Variants in QRICH1 observed in about 807,000 individuals in gnomAD.
QRICH1 encodes transcriptional regulator QRICH1.
QRICH1 carries 16 observed loss-of-function variants against 87.1 expected under a neutral mutation model. That is an observed-to-expected ratio of 0.18 (90% confidence interval 0.12 to 0.28). The LOEUF is 0.28. Among genes scored for constraint, QRICH1 ranks in the 10% least tolerant of loss-of-function variants. The pLI is 1.00. For missense variants in QRICH1, 647 were observed against 951.7 expected, an observed-to-expected ratio of 0.68 and a Z score of 4.21; for synonymous variants, 367 against 368.4, an observed-to-expected ratio of 1.00 and a Z score of 0.05.
chr3:49,039,618 C>CAAAAAAAA, intron 6 of QRICH1, among the ~76,000 whole-genome samples: 1 of 16,366 alleles, frequency 6.1e-5, no homozygotes, highest in Non-Finnish European at 1.3e-4. Context: ...GACTCCATCT[C>CAAAAAAAA]AAAAAAAAAA....
chr3:49,042,904 T>A (rs1034682589), intron 6 of QRICH1, among the ~76,000 whole-genome samples: 8 of 152,052 alleles, frequency 5.3e-5, no homozygotes, highest in South Asian at 2.1e-4. Flanking sequence ...CAGTAAACAT[T>A]CTATATGACA....
intron 3 of QRICH1, among the ~76,000 whole-genome samples, chr3:49,050,736 C>T (rs1286311247): frequency 1.3e-5 from 2 of 151,894 alleles, no homozygotes; most frequent in Admixed American, 6.6e-5. Context: ...ACCTATTACT[C>T]AAACAATTTC....
At chr3:49,070,448 GT>G (rs745436668) in intron 2 of QRICH1, among the ~76,000 whole-genome samples, 32 of 152,178 alleles carry the variant, frequency 2.1e-4, no homozygotes, top group Admixed American at 3.3e-4. Context: ...TTGTTGTTCT[GT>G]TTTTTATAGA....
At position 49,090,699 on chromosome 3, in the gene QRICH1, C is replaced by T. The variant is rs560631253; in HGVS notation, c.-22+3213G>A. Among the ~76,000 whole-genome samples the T allele has an allele frequency of 4.0e-5, 6 of 151,812 alleles. No individual in the cohort carries two copies. In the South Asian group the frequency reaches 1.0e-3, roughly 26 times the overall value. On this transcript the variant is annotated intron_variant, in intron 1 of 9. Coordinates refer to ENST00000395443, the MANE Select transcript of QRICH1 (RefSeq NM_198880.3). ...CCTTCTGACACAGCCACCATTTCTA[C>T]CTACAGTTTTGCCCTGGCCTGAAGA... is the stretch of plus-strand genomic sequence containing the variant.
chr3:49,032,556 G>T, intron 8 of QRICH1, 66 bp downstream of exon 8: 2 of 1,470,140 alleles, frequency 1.4e-6, no homozygotes, highest in South Asian at 1.4e-5. Context: ...AGCCTCACAG[G>T]CACAAGGGCA....
intron 2 of QRICH1, among the ~76,000 whole-genome samples, chr3:49,069,991 T>C (rs1244654259): frequency 6.6e-6 from 1 of 152,052 alleles, no homozygotes; most frequent in African/African-American, 2.4e-5. Context: ...CTCTAAGAAC[T>C]GCCCCACTTT....
At chr3:49,067,500 G>A (rs1320339368) in intron 2 of QRICH1, among the ~76,000 whole-genome samples, 5 of 151,834 alleles carry the variant, frequency 3.3e-5, no homozygotes, top group East Asian at 1.9e-4. Context: ...TCCAGGAGGC[G>A]GAGCTTGCAG....
chr3:49,035,911 C>CAA (rs761180733), intron 6 of QRICH1, among the ~76,000 whole-genome samples: 8,537 of 59,560 alleles, frequency 0.14, 337 homozygotes, highest in Non-Finnish European at 0.18. Context: ...CCCATTTCTA[C>CAA]AAAAAAAAAA....
At chr3:49,044,098 CTTAA>C (rs1424129930) in intron 6 of QRICH1, among the ~76,000 whole-genome samples, 3 of 152,132 alleles carry the variant, frequency 2.0e-5, no homozygotes, top group African/African-American at 4.8e-5. Flanking sequence ...GTCCATAATC[CTTAA>C]TTGTTATGAT....
intron 9 of QRICH1, among the ~76,000 whole-genome samples, chr3:49,031,083 T>C (rs1490957583): frequency 6.6e-6 from 1 of 151,038 alleles, no homozygotes; most frequent in African/African-American, 2.4e-5. Context: ...GCCCCCTTGG[T>C]TGAAGCGATT....
intron 2 of QRICH1, among the ~76,000 whole-genome samples, chr3:49,059,167 A>G (rs1308749952): frequency 6.7e-6 from 1 of 149,338 alleles, no homozygotes; most frequent in Non-Finnish European, 1.5e-5. Flanking sequence ...GAATTTCACC[A>G]TGTTAGCCAG....
At chr3:49,038,363 A>T (rs1330093172) in intron 6 of QRICH1, among the ~76,000 whole-genome samples, 2 of 151,506 alleles carry the variant, frequency 1.3e-5, no homozygotes, top group Non-Finnish European at 2.9e-5. Flanking sequence ...GCCCAGCCTA[A>T]TAAAGGGTAG....
chr3:49,089,303 G>A (rs1011463470), intron 1 of QRICH1, among the ~76,000 whole-genome samples: 4 of 151,808 alleles, frequency 2.6e-5, no homozygotes, highest in African/African-American at 7.3e-5. Flanking sequence ...TAGGTGATCC[G>A]CCCGCATTGG....
At chr3:49,053,478 C>A (rs1364657302) in intron 3 of QRICH1, among the ~76,000 whole-genome samples, 8 of 122,124 alleles carry the variant, frequency 6.6e-5, no homozygotes, top group Non-Finnish European at 1.0e-4. Flanking sequence ...GAATGAGACC[C>A]CCTGTCTCAA....
At chr3:49,033,099 T>C in intron 7 of QRICH1, 21 bp downstream of exon 7, 2 of 1,457,538 alleles carry the variant, frequency 1.4e-6, no homozygotes, top group Admixed American at 2.3e-5. Flanking sequence ...ATGCCAGCAG[T>C]GGAGCCTCTA....
rs535614353 is a variant in QRICH1 at position 49,057,834 on chromosome 3, T to C, written c.366A>G (p.Gln122=). The C allele has an allele frequency of 1.5e-5, 25 of 1,613,604 alleles. No individual in the cohort carries two copies. In the South Asian group the frequency reaches 2.3e-4, roughly 15 times the overall value. Residue 122 remains glutamine, a synonymous_variant, in exon 3 of 10, where the codon CAA becomes CAG. Coordinates refer to ENST00000395443, the MANE Select transcript of QRICH1 (RefSeq NM_198880.3). The surrounding 1 kb of genome is among the most constrained non-coding windows in gnomAD (Gnocchi z 5.4). Reference sequence around the variant, plus strand: ...GCTCAGTAGGCTGGTGAACGGTGAGTTGTGGGGAGAGCTGAGCCGAGACCT... The same window carrying C: ...GCTCAGTAGGCTGGTGAACGGTGAGCTGTGGGGAGAGCTGAGCCGAGACCT... ...PQQVSAQLSP[Q]LTVHQPTEQP...
intron 9 of QRICH1, among the ~76,000 whole-genome samples, chr3:49,031,174 G>C (rs1175447472): frequency 6.6e-6 from 1 of 151,982 alleles, no homozygotes; most frequent in Non-Finnish European, 1.5e-5. Context: ...TTTTAGTAGA[G>C]ATGGGGTTTT....
intron 6 of QRICH1, among the ~76,000 whole-genome samples, chr3:49,041,981 C>G (rs2093312958): frequency 6.6e-6 from 1 of 151,648 alleles, no homozygotes. Context: ...ATGTGTTGGC[C>G]AGGCTGGTGT....
intron 1 of QRICH1, among the ~76,000 whole-genome samples, chr3:49,089,547 G>A (rs2042233277): frequency 6.6e-6 from 1 of 152,064 alleles, no homozygotes; most frequent in South Asian, 2.1e-4. Context: ...ATACAAGAAT[G>A]TTCACAGCAG....
Sources: allele counts gnomAD v4.1 joint callset (sites outside exome capture counted in the v4.1 genomes callset), GRCh38; gene constraint gnomAD v4.1.1; non-coding constraint Gnocchi (gnomAD v3.1); transcripts MANE v1.5; gene names NCBI Gene and HGNC (gene_info 2026-07-23, HGNC 2026-07-21).